OTOGL: variants seen among roughly 807,000 people sequenced by gnomAD.
OTOGL encodes the protein otogelin like, also known as otogelin-like protein.
In OTOGL, 285 loss-of-function variants were observed where a neutral mutation model predicts 318.5. The ratio of observed to expected loss-of-function variants is 0.89; its 90% CI spans 0.81 to 0.99. The LOEUF is 0.99. Among genes scored for constraint, OTOGL ranks in the 50% least tolerant of loss-of-function variants. OTOGL has a pLI of 0.00. For missense variants in OTOGL, 2,899 were observed against 2,845.6 expected (o/e 1.02, Z -0.43); for synonymous variants, 987 against 936.5 (o/e 1.05, Z -0.99).
intron 43 of OTOGL, among the ~76,000 whole-genome samples, chr12:80,340,019 A>G (rs1372880432): frequency 6.6e-6 from 1 of 152,160 alleles, no homozygotes; most frequent in Non-Finnish European, 1.5e-5. Flanking sequence ...GTGGACAGTA[A>G]TATCCATTTT....
At chr12:80,225,858 C>T (rs994814257) in intron 7 of OTOGL, among the ~76,000 whole-genome samples, 2 of 151,706 alleles carry the variant, frequency 1.3e-5, no homozygotes, top group Non-Finnish European at 2.9e-5. Context: ...TACAGATATC[C>T]TTATCTATAC....
At position 80,154,517 on chromosome 12, in the gene OTOGL, C is replaced by A. The variant is rs544057687; in HGVS notation, c.-19-54896C>A. ...CCATGTTCGTCCTATAAAACCTCCC[C>A]TTTGCACTCCCTCTTTGAACTCCCC... is the stretch of plus-strand genomic sequence containing the variant. On this transcript the variant is annotated intron_variant, in intron 1 of 58. Coordinates refer to ENST00000547103, the MANE Select transcript of OTOGL (RefSeq NM_001378609.3). 5.9e-5 allele frequency among the ~76,000 whole-genome samples: 9 copies of A among 152,234 alleles called. No individual in the cohort carries two copies. The East Asian group carries it at 1.5e-3, about 26-fold the overall frequency.
chr12:80,273,536 T>G (rs1341684198), intron 24 of OTOGL, among the ~76,000 whole-genome samples: 1 of 152,114 alleles, frequency 6.6e-6, no homozygotes, highest in Non-Finnish European at 1.5e-5. Flanking sequence ...ATCTCAAGTT[T>G]CTCTTTTAAT....
chr12:80,329,893 T>TC, intron 37 of OTOGL, among the ~76,000 whole-genome samples: 2 of 152,156 alleles, frequency 1.3e-5, no homozygotes, highest in Admixed American at 1.3e-4. Flanking sequence ...CCAGAGGCTG[T>TC]TGCAATCTTA....
chr12:80,365,036 C>T (rs1259313964), intron 52 of OTOGL, among the ~76,000 whole-genome samples: 1 of 151,974 alleles, frequency 6.6e-6, no homozygotes, highest in Non-Finnish European at 1.5e-5. Context: ...AAATGGAAAC[C>T]CTTATACACT....
At chr12:80,192,432 C>T (rs1875757778) in intron 1 of OTOGL, among the ~76,000 whole-genome samples, 1 of 152,358 alleles carries the variant, frequency 6.6e-6, no homozygotes, top group East Asian at 1.9e-4. Flanking sequence ...AGCCCCCTTT[C>T]TTTGCTCTCA....
intron 1 of OTOGL, among the ~76,000 whole-genome samples, chr12:80,168,991 C>T (rs73356956): frequency 0.076 from 11,545 of 152,218 alleles, 479 homozygotes; most frequent in Middle Eastern, 0.16. Flanking sequence ...CATATCTTCT[C>T]TAGACTGGTG....
rs1891384628 is a variant in OTOGL, at chr12:80,380,215, G to A, written c.*2167G>A. ...AATAGGGAAGAAATCTTAGATTGGG[G>A]AGAGCCATTCTAATTGTGACTCAGT... On this transcript the variant is annotated 3_prime_UTR_variant, in exon 59 of 59. Transcript: ENST00000547103. 6.6e-6 allele frequency: 1 copy of A among 151,974 alleles called. No individual in the cohort carries two copies. 9.4% of individuals were successfully genotyped at this position (151,974 alleles called of 1,614,324 possible). A position where few individuals can be genotyped will look rare whatever the true frequency, so the allele number is the denominator to read the frequency against.
intron 16 of OTOGL, 49 bp from the exon 17 acceptor site, chr12:80,256,288 G>GCT (rs367621920): frequency 2.4e-5 from 36 of 1,523,176 alleles, no homozygotes; most frequent in South Asian, 1.1e-4. Flanking sequence ...TCTTTCTATG[G>GCT]CTCTCTCTCT....
intron 19 of OTOGL, among the ~76,000 whole-genome samples, chr12:80,264,273 T>C (rs1882776225): frequency 6.6e-6 from 1 of 152,142 alleles, no homozygotes; most frequent in East Asian, 1.9e-4. Context: ...AAGAATTATA[T>C]CTGATCAGTC....
chr12:80,366,855 T>C (rs1890573515), intron 53 of OTOGL, among the ~76,000 whole-genome samples: 1 of 151,920 alleles, frequency 6.6e-6, no homozygotes, highest in South Asian at 2.1e-4. Context: ...ATATAAATAT[T>C]TTTTCAGAGG....
intron 35 of OTOGL, among the ~76,000 whole-genome samples, chr12:80,326,961 A>T (rs546541013): frequency 6.6e-6 from 1 of 152,220 alleles, no homozygotes; most frequent in African/African-American, 2.4e-5. Context: ...TTTAATTCAA[A>T]TTCTTTACAG....
chr12:80,327,688 G>A (rs1476531457), intron 35 of OTOGL, among the ~76,000 whole-genome samples: 2 of 151,428 alleles, frequency 1.3e-5, no homozygotes, highest in Admixed American at 1.3e-4. Context: ...GGCCGGGCAC[G>A]GTGGTTCACG....
chr12:80,355,980 T>A, intron 47 of OTOGL, 32 bp downstream of exon 47: 5 of 1,580,976 alleles, frequency 3.2e-6, no homozygotes, highest in Middle Eastern at 1.7e-4. Flanking sequence ...AGTCAATTGA[T>A]TCCACAAAAT....
chr12:80,270,406 T>C (rs1164117757), intron 23 of OTOGL, among the ~76,000 whole-genome samples: 5 of 152,156 alleles, frequency 3.3e-5, no homozygotes, highest in Non-Finnish European at 5.9e-5. Context: ...GCTGCCTAGA[T>C]GCTGCCTACC....
intron 19 of OTOGL, among the ~76,000 whole-genome samples, chr12:80,264,054 A>G (rs1280281644): frequency 3.3e-5 from 5 of 152,168 alleles, no homozygotes; most frequent in Non-Finnish European, 7.4e-5. Context: ...ACTCAACAAA[A>G]TAAGTTCAGT....
chr12:80,358,489 T>C (rs1592753098), intron 50 of OTOGL, 140 bp downstream of exon 50: 1 of 840,244 alleles, frequency 1.2e-6, no homozygotes, highest in East Asian at 2.7e-5. Context: ...GTACTCTTTT[T>C]GTACCTGTTT....
At chr12:80,217,966 C>T (rs1877907321) in intron 5 of OTOGL, among the ~76,000 whole-genome samples, 1 of 152,028 alleles carries the variant, frequency 6.6e-6, no homozygotes, top group Non-Finnish European at 1.5e-5. Flanking sequence ...TTTTTGTTAC[C>T]AATTCCCCAT....
chr12:80,274,787 C>A lies in OTOGL; in HGVS notation c.2681+2977C>A, dbSNP rs563466163. Among the ~76,000 whole-genome samples the A allele has an allele frequency of 8.6e-5, 13 of 151,970 alleles. No individual in the cohort carries two copies. The South Asian group carries it at 2.5e-3, about 29-fold the overall frequency. On this transcript the variant is annotated intron_variant, in intron 24 of 58. Transcript: ENST00000547103. ...TTGAAGCCAATGCTCATTTACCATT[C>A]AAAAAATCCTAGGGCCCTTAAGAAT...
Sources: gnomAD v4.1 joint callset for allele counts (sites outside exome capture counted in the v4.1 genomes callset) on GRCh38, gnomAD v4.1.1 for gene constraint, MANE v1.5 for transcripts, NCBI Gene and HGNC (gene_info 2026-07-23, HGNC 2026-07-21) for gene names.